The following UQCRC2 variants were observed in gnomAD, a reference collection of about 807,000 sequenced individuals.
UQCRC2 encodes the protein cytochrome b-c1 complex subunit 2, mitochondrial.
UQCRC2 carries 49 observed loss-of-function variants against 55.6 expected under a neutral mutation model. That is an observed-to-expected ratio of 0.88 (90% CI 0.70 to 1.12). UQCRC2 has a LOEUF of 1.12. Among genes scored for constraint, UQCRC2 ranks in the 50% most tolerant of loss-of-function variants. The pLI, the probability that UQCRC2 is intolerant of heterozygous loss-of-function variation, is 0.00. For missense variants in UQCRC2, 506 were observed against 547.8 expected, an observed-to-expected ratio of 0.92 and a Z score of 0.76; for synonymous variants, 193 against 192.0, an observed-to-expected ratio of 1.01 and a Z score of -0.04.
At chr16:21,958,750 A>T (rs1898135564) in intron 4 of UQCRC2, 151 bp downstream of exon 4, 1 of 688,014 alleles carries the variant, frequency 1.5e-6, no homozygotes, top group Non-Finnish European at 2.4e-6. Flanking sequence ...ACTGTAAAAC[A>T]TCTTTATGTC....
At position 21,953,543 on chromosome 16, in the gene UQCRC2, T is replaced by G. The variant is rs1022485273; in HGVS notation, c.33+87T>G. ...AGGCGGAGGTGTCTGGTCTGGGGTC[T>G]GGGCCTTGGGATTCGGTCTGCCCTT... On this transcript the variant is annotated intron_variant, in intron 1 of 13. Transcript: ENST00000268379. 2.6e-6 allele frequency: 4 copies of G among 1,514,858 alleles called. No homozygotes were observed. The African/African-American group carries it at 4.1e-5, about 16-fold the overall frequency. 93.8% of individuals were successfully genotyped at this position (1,514,858 alleles called of 1,614,324 possible). A position where few individuals can be genotyped will look rare whatever the true frequency, so the allele number is the denominator to read the frequency against.
chr16:21,979,327 C>T (rs1898659148), intron 12 of UQCRC2, among the ~76,000 whole-genome samples: 1 of 152,154 alleles, frequency 6.6e-6, no homozygotes, highest in Admixed American at 6.5e-5. Flanking sequence ...TGGAGGAAAA[C>T]CATCGCAATT....
Position 21,968,653 on chromosome 16 carries a change from T to G in UQCRC2, c.638T>G (p.Phe213Cys). 1.2e-6 allele frequency: 2 copies of G among 1,609,958 alleles called. No homozygotes were observed. The highest frequency in any genetic ancestry group is 1.7e-6 in the Non-Finnish European group (2 of 1,177,920). ...TTACATTACTTCGTTCAGAACCATT[T>G]CACAAGTGCAAGAATGGCTTTGATT... ...EELHYFVQNH[F>C]TSARMALIGL... Residue 213 changes from phenylalanine to cysteine, a missense_variant, in exon 8 of 14, where the codon TTC (phenylalanine) becomes TGC (cysteine). Coordinates refer to ENST00000268379, the MANE Select transcript of UQCRC2 (RefSeq NM_003366.4).
intron 8 of UQCRC2, among the ~76,000 whole-genome samples, chr16:21,970,066 T>C (rs929620310): frequency 1.3e-5 from 2 of 152,086 alleles, no homozygotes; most frequent in Non-Finnish European, 2.9e-5. Flanking sequence ...AGTCATACGA[T>C]ATGTGGCCTT....
At chr16:21,956,498 C>T (rs866284082) in intron 1 of UQCRC2, among the ~76,000 whole-genome samples, 11 of 152,144 alleles carry the variant, frequency 7.2e-5, no homozygotes, top group Non-Finnish European at 1.6e-4. Flanking sequence ...GACCCGAGAT[C>T]GCACTGTTGC....
At position 21,969,258 on chromosome 16, in the gene UQCRC2, G is replaced by A. The variant is rs942568993; in HGVS notation, c.670+573G>A. On this transcript the variant is annotated intron_variant, in intron 8 of 13. Transcript: ENST00000268379. ...CATATCTGTTAAAATTCTAGGCTGG[G>A]CATGGTGGCTCATGCCTGTAATCCT... 2.1e-4 allele frequency among the ~76,000 whole-genome samples: 32 copies of A among 152,302 alleles called. No homozygotes were observed. In the East Asian group the frequency reaches 4.1e-3, roughly 19 times the overall value.
At chr16:21,958,620 A>G in intron 4 of UQCRC2, 21 bp downstream of exon 4, 1 of 1,590,922 alleles carries the variant, frequency 6.3e-7, no homozygotes. Flanking sequence ...TAAGTAATAG[A>G]AAATAGTGAA....
intron 13 of UQCRC2, among the ~76,000 whole-genome samples, chr16:21,981,964 C>T (rs751092883): frequency 5.0e-4 from 76 of 151,344 alleles, no homozygotes; most frequent in Non-Finnish European, 9.1e-4. Flanking sequence ...CCTCAGCCTT[C>T]CTAGTAACTG....
intron 6 of UQCRC2, among the ~76,000 whole-genome samples, chr16:21,964,168 C>T (rs1898270151): frequency 6.6e-6 from 1 of 152,138 alleles, no homozygotes; most frequent in Non-Finnish European, 1.5e-5. Context: ...CTTGGTGTCA[C>T]AGAGGAGCAT....
chr16:21,962,608 A>T (rs1293308104), intron 5 of UQCRC2, 92 bp downstream of exon 5: 2 of 1,596,128 alleles, frequency 1.3e-6, no homozygotes, highest in Non-Finnish European at 1.7e-6. Context: ...ATGACCTCTG[A>T]CTTCCATTTT....
intron 12 of UQCRC2, chr16:21,976,498 C>T (rs545484415): frequency 2.7e-6 from 1 of 368,482 alleles, no homozygotes; most frequent in Admixed American, 4.3e-5. Context: ...TTGAGACCAG[C>T]TTGGGCAACA....
chr16:21,964,299 A>G (rs565117272), intron 6 of UQCRC2, among the ~76,000 whole-genome samples: 4 of 152,310 alleles, frequency 2.6e-5, no homozygotes, highest in South Asian at 4.2e-4. Context: ...ACCAGCCTGC[A>G]TCTATTCTGC....
Position 21,973,925 on chromosome 16 carries a change from T to C in UQCRC2, c.996T>C (p.Asp332=). Residue 332 remains aspartate, a synonymous_variant, in exon 11 of 14, where the codon GAT becomes GAC. Coordinates refer to ENST00000268379, the MANE Select transcript of UQCRC2 (RefSeq NM_003366.4). ...DVSAFNASYS[D]SGLFGIYTIS... ...CTGCATTTAATGCCAGTTACTCAGA[T>C]TCTGGACTCTTTGGGATTTATACTA... 1.9e-6 allele frequency: 3 copies of C among 1,613,188 alleles called. No homozygotes were observed. The highest frequency in any genetic ancestry group is 2.5e-6 in the Non-Finnish European group (3 of 1,179,684).
rs143700763 is a variant in UQCRC2 at position 21,971,988 on chromosome 16, G to A, written c.832G>A (p.Ala278Thr). The stretch of plus-strand genomic sequence containing the variant: ...TGCTTTTGTAGCAGAAAGTGCTGTC[G>A]CGGGAAGTGCAGAGGCAAATGCATT... ...HAAFVAESAV[A>T]GSAEANAFSV... Residue 278 changes from alanine (A) to threonine (T), a missense_variant, in exon 10 of 14, where the codon GCG becomes ACG. Transcript: ENST00000268379. The A allele has an allele frequency of 1.6e-4, 261 of 1,614,032 alleles. No individual in the cohort carries two copies. The highest frequency in any genetic ancestry group is 2.1e-4 in the Non-Finnish European group (252 of 1,180,046).
At chr16:21,959,300 A>G in intron 4 of UQCRC2, 2 of 199,090 alleles carry the variant, frequency 1.0e-5, no homozygotes, top group Non-Finnish European at 2.2e-5. Flanking sequence ...TTTTTTATCA[A>G]CCAAGATTAT....
At chr16:21,955,211 A>G (rs759744608) in intron 1 of UQCRC2, among the ~76,000 whole-genome samples, 1 of 152,218 alleles carries the variant, frequency 6.6e-6, no homozygotes, top group African/African-American at 2.4e-5. Context: ...TTGGAAAATT[A>G]TAGGCCAAAA....
At position 21,965,444 on chromosome 16, in the gene UQCRC2, A is replaced by C; in HGVS notation, c.551A>C (p.Asn184Thr). ...AATTTGCATGCAGCAGCTTACCGGA[A>C]TGCCTTGGCTAATCCCTTGTATTGT... ...IENLHAAAYRNALANPLYCPD... is the reference protein window; with the variant it reads ...IENLHAAAYRTALANPLYCPD... The change falls in exon 7 of 14, where the codon AAT becomes ACT. Residue 184 changes from asparagine (N) to threonine (T), a missense_variant. Asn to Thr is a moderately conservative substitution (Grantham distance 65). Coordinates refer to ENST00000268379, the MANE Select transcript of UQCRC2 (RefSeq NM_003366.4). 6.2e-7 allele frequency: 1 copy of C among 1,613,966 alleles called. No individual in the cohort carries two copies. The highest frequency in any genetic ancestry group is 8.5e-7 in the Non-Finnish European group (1 of 1,179,936).
intron 13 of UQCRC2, among the ~76,000 whole-genome samples, chr16:21,982,847 C>G (rs1373067250): frequency 6.6e-6 from 1 of 151,868 alleles, no homozygotes; most frequent in Non-Finnish European, 1.5e-5. Context: ...TGCCTGTAAT[C>G]CCAGCTCCTT....
intron 12 of UQCRC2, chr16:21,980,117 C>T: frequency 8.9e-6 from 1 of 112,126 alleles, no homozygotes; most frequent in South Asian, 1.8e-4. Context: ...TGACAGCCTT[C>T]TCACTGACAG....
Sources: allele counts gnomAD v4.1 joint callset (sites outside exome capture counted in the v4.1 genomes callset), GRCh38; gene constraint gnomAD v4.1.1; transcripts MANE v1.5; gene names NCBI Gene and HGNC (gene_info 2026-07-23, HGNC 2026-07-21).